ODAD2: variants seen among roughly 807,000 people sequenced by gnomAD.
ODAD2 encodes outer dynein arm docking complex subunit 2.
Under a neutral mutation model 106.8 loss-of-function variants are expected in ODAD2, and 89 were observed. The ratio of observed to expected loss-of-function variants is 0.83; its 90% CI spans 0.70 to 0.99. The LOEUF (loss-of-function observed/expected upper bound fraction) is 0.99, where lower values mean the gene tolerates loss of function less well. Ranked by LOEUF, ODAD2 falls within the 50% of genes least tolerant of loss-of-function variation. The pLI is 0.00. For missense variants in ODAD2, 1,168 were observed against 1,238.5 expected (o/e 0.94, Z 0.85); for synonymous variants, 404 against 436.2 (o/e 0.93, Z 0.92).
At chr10:27,985,694 G>A (rs1472629644) in intron 3 of ODAD2, among the ~76,000 whole-genome samples, 1 of 152,018 alleles carries the variant, frequency 6.6e-6, no homozygotes, top group African/African-American at 2.4e-5. Flanking sequence ...AGACCCAGTA[G>A]CACTCTTTTG....
chr10:27,842,669 C>T (rs2133125498), intron 19 of ODAD2, among the ~76,000 whole-genome samples: 1 of 152,220 alleles, frequency 6.6e-6, no homozygotes, highest in Admixed American at 6.5e-5. Context: ...AAAAATAATT[C>T]CCCACAGTAA....
chr10:27,951,307 A>G (rs372852340), intron 10 of ODAD2, among the ~76,000 whole-genome samples: 2 of 152,338 alleles, frequency 1.3e-5, no homozygotes, highest in African/African-American at 4.8e-5. Context: ...TCCAAAAAAT[A>G]AGTTTTAAAA....
intron 19 of ODAD2, among the ~76,000 whole-genome samples, chr10:27,853,602 C>T (rs1220057664): frequency 2.6e-5 from 4 of 151,986 alleles, no homozygotes; most frequent in Admixed American, 6.6e-5. Context: ...TATAATAATA[C>T]AGATTACAGG....
intron 12 of ODAD2, among the ~76,000 whole-genome samples, chr10:27,942,409 A>G (rs534989829): frequency 6.6e-6 from 1 of 152,340 alleles, no homozygotes; most frequent in Admixed American, 6.5e-5. Flanking sequence ...GAAAAATGCC[A>G]TAGGAACTTA....
In ODAD2 at chr10:27,951,385, T is replaced by C. The variant is rs377214159; in HGVS notation, c.1387-6423A>G. On this transcript the variant is annotated intron_variant, in intron 10 of 19. Transcript: ENST00000305242. Reference sequence around the variant, plus strand: ...CAATGCTGTAGTAATTAAAACAGCATGTAACTAGCATGGGAACATCCAAAT... The same window carrying C: ...CAATGCTGTAGTAATTAAAACAGCACGTAACTAGCATGGGAACATCCAAAT... Among the ~76,000 whole-genome samples the C allele has an allele frequency of 4.6e-5, 7 of 151,734 alleles. 1 individual carries two copies. The highest frequency in any genetic ancestry group is 1.5e-4 in the African/African-American group (6 of 41,342).
chr10:27,934,719 C>T (rs1845843562), intron 16 of ODAD2, among the ~76,000 whole-genome samples: 1 of 152,036 alleles, frequency 6.6e-6, no homozygotes, highest in South Asian at 2.1e-4. Flanking sequence ...TATAATACTT[C>T]CCTAGGAGAC....
chr10:27,923,238 T>A (rs1210473272), intron 16 of ODAD2, among the ~76,000 whole-genome samples: 2 of 152,168 alleles, frequency 1.3e-5, no homozygotes, highest in Non-Finnish European at 2.9e-5. Flanking sequence ...CAAGACCCCA[T>A]TTATATACTG....
chr10:27,919,673 G>A (rs1301208424), intron 16 of ODAD2, among the ~76,000 whole-genome samples: 1 of 152,112 alleles, frequency 6.6e-6, no homozygotes, highest in Non-Finnish European at 1.5e-5. Flanking sequence ...TATTGGCACT[G>A]GTAGGAGTGT....
intron 17 of ODAD2, among the ~76,000 whole-genome samples, chr10:27,885,616 A>T (rs1321960021): frequency 8.8e-4 from 65 of 74,028 alleles, no homozygotes; most frequent in African/African-American, 3.1e-3. Flanking sequence ...AATATATATA[A>T]ATATAAATAT....
chr10:27,981,631 T>TCC (rs1482108874), intron 6 of ODAD2, 49 bp from the exon 7 acceptor site: 1 of 1,276,738 alleles, frequency 7.8e-7, no homozygotes. Flanking sequence ...AGAACAATTG[T>TCC]AAGAAGCTGA....
chr10:27,994,882 G>A lies in ODAD2; in HGVS notation c.224+37C>T, dbSNP rs116739820. The A allele has an allele frequency of 8.4e-4, 1,344 of 1,607,974 alleles. 12 individuals are homozygous for A. In the African/African-American group the frequency reaches 0.016, roughly 19 times the overall value. On this transcript the variant is annotated intron_variant, in intron 2 of 19. Coordinates refer to ENST00000305242, the MANE Select transcript of ODAD2 (RefSeq NM_018076.5). Reference sequence around the variant, plus strand: ...ACCAATTGATAATACTATGTACAACGAAGATATCAAATCCTAGAAGCAAGT... The same window carrying A: ...ACCAATTGATAATACTATGTACAACAAAGATATCAAATCCTAGAAGCAAGT...
intron 17 of ODAD2, among the ~76,000 whole-genome samples, chr10:27,865,914 G>T (rs1048295911): frequency 6.6e-6 from 1 of 152,162 alleles, no homozygotes; most frequent in Admixed American, 6.6e-5. Context: ...TGGTGGGCTG[G>T]TTCTCAATAG....
At chr10:27,982,767 G>A (rs1289648489) in intron 6 of ODAD2, among the ~76,000 whole-genome samples, 1 of 152,148 alleles carries the variant, frequency 6.6e-6, no homozygotes, top group South Asian at 2.1e-4. Context: ...AATTTATGTT[G>A]AAGATACTGA....
chr10:27,844,618 T>A (rs558204782), intron 19 of ODAD2, among the ~76,000 whole-genome samples: 54 of 152,338 alleles, frequency 3.5e-4, no homozygotes, highest in African/African-American at 1.3e-3. Context: ...AAACTCAATT[T>A]CTTTATCTGT....
intron 9 of ODAD2, among the ~76,000 whole-genome samples, chr10:27,963,011 CTTT>C (rs375508125): frequency 6.3e-5 from 9 of 142,252 alleles, no homozygotes; most frequent in Non-Finnish European, 1.2e-4. Context: ...GCCCTGTGTA[CTTT>C]TTTTTTTTTT....
At chr10:27,944,130 T>C (rs1269020892) in intron 12 of ODAD2, 92 bp downstream of exon 12, 15 of 1,114,044 alleles carry the variant, frequency 1.3e-5, no homozygotes, top group Non-Finnish European at 1.8e-5. Context: ...CTCATGGCTA[T>C]GGAATTTCCA....
At chr10:27,989,640 G>C (rs1850097744) in intron 2 of ODAD2, among the ~76,000 whole-genome samples, 1 of 152,128 alleles carries the variant, frequency 6.6e-6, no homozygotes, top group Non-Finnish European at 1.5e-5. Context: ...ATTTTTCATT[G>C]CTCCTACCAG....
intron 2 of ODAD2, among the ~76,000 whole-genome samples, chr10:27,988,754 T>C (rs968514714): frequency 3.9e-5 from 6 of 151,906 alleles, no homozygotes; most frequent in African/African-American, 1.2e-4. Context: ...CTCACTAGAA[T>C]AAAAATAAGA....
At chr10:27,860,960 G>C in intron 18 of ODAD2, 114 bp from the exon 19 acceptor site, 1 of 841,762 alleles carries the variant, frequency 1.2e-6, no homozygotes. Flanking sequence ...TAGAGAAAAG[G>C]GCTAGCTGGC....
Sources: gnomAD v4.1 joint callset for allele counts (sites outside exome capture counted in the v4.1 genomes callset) on GRCh38, gnomAD v4.1.1 for gene constraint, MANE v1.5 for transcripts, NCBI Gene and HGNC (gene_info 2026-07-23, HGNC 2026-07-21) for gene names.